The following SV2B variants were observed in gnomAD, a reference collection of about 807,000 sequenced individuals.
SV2B encodes solute carrier family 22 member B2.
SV2B carries 41 observed loss-of-function variants against 73.9 expected under a neutral mutation model. The observed-to-expected ratio is 0.56, with a 90% CI of 0.43 to 0.72. The LOEUF is 0.72. Ranked by LOEUF, SV2B falls within the 30% of genes least tolerant of loss-of-function variation. The pLI, the probability that SV2B is intolerant of heterozygous loss-of-function variation, is 0.00. For synonymous variants in SV2B, 314 were observed against 314.2 expected (o/e 1.00, Z 0.01); for missense variants, 764 against 857.8 (o/e 0.89, Z 1.37).
chr15:91,265,724 A>G lies in SV2B; in HGVS notation c.1009-858A>G, dbSNP rs1020868698. On this transcript the variant is annotated intron_variant, in intron 6 of 12. Transcript: ENST00000394232. This position sits in a 1 kb window ranked among gnomAD's most constrained non-coding sequence, Gnocchi z 4.2. The stretch of plus-strand genomic sequence containing the variant: ...TGACCTCAGGCGGAAGATCATTTGC[A>G]AAGGCTGCATAGCTGGGAGTGGCCA... 6.6e-6 allele frequency among the ~76,000 whole-genome samples: 1 copy of G among 152,202 alleles called. No individual in the cohort carries two copies. The highest frequency in any genetic ancestry group is 1.5e-5 in the Non-Finnish European group (1 of 68,030).
Position 91,268,676 on chromosome 15 carries a change from G to T in SV2B, c.1373+71G>T, listed in dbSNP as rs1344436820. On this transcript the variant is annotated intron_variant, in intron 9 of 12. Coordinates refer to ENST00000394232, the MANE Select transcript of SV2B (RefSeq NM_001323032.3). This position sits in a 1 kb window ranked among gnomAD's most constrained non-coding sequence, Gnocchi z 4.4. ...TGGGGACTGTTATTGGGAGGGAGCCGGAGGGAAGATAAGAATCAAATATGG... is the reference window on the plus strand; with the variant it reads ...TGGGGACTGTTATTGGGAGGGAGCCTGAGGGAAGATAAGAATCAAATATGG... 1 of 1,541,456 alleles carries T rather than the reference G, an allele frequency of 6.5e-7. No homozygotes were observed. Among genetic ancestry groups the T allele is most frequent in the East Asian group, 2.3e-5 (1 of 43,632 alleles).
rs147826935 is a variant in SV2B, at chr15:91,212,542, C to T, written c.-391-13331C>T. ...AGTCTTAGCATTTACTTAGGGCACA[C>T]GTGTTCCTGCGTCATCATACAGGGA... On this transcript the variant is annotated intron_variant, in intron 1 of 12. Coordinates refer to ENST00000394232, the MANE Select transcript of SV2B (RefSeq NM_001323032.3). Among the ~76,000 whole-genome samples, 797 of 152,266 alleles carry T rather than the reference C, an allele frequency of 5.2e-3. 8 individuals carry two copies. The highest frequency in any genetic ancestry group is 0.018 in the African/African-American group (760 of 41,558).
intron 1 of SV2B, among the ~76,000 whole-genome samples, chr15:91,107,453 C>T (rs754105718): frequency 2.0e-5 from 3 of 152,050 alleles, no homozygotes; most frequent in African/African-American, 4.8e-5. Context: ...GCTGGGACTA[C>T]AGGCACGTGC....
intron 9 of SV2B, among the ~76,000 whole-genome samples, chr15:91,274,790 A>C (rs57997226): frequency 0.43 from 65,633 of 151,998 alleles, 16,549 homozygotes; most frequent in African/African-American, 0.71. Context: ...TCTTAGAAAT[A>C]AAAATGTGTT....
intron 1 of SV2B, among the ~76,000 whole-genome samples, chr15:91,192,489 T>C (rs1285172896): frequency 6.6e-6 from 1 of 152,228 alleles, no homozygotes; most frequent in Non-Finnish European, 1.5e-5. Context: ...AGGTTCCTCA[T>C]GTGTAAAATG....
At chr15:91,212,624 G>A (rs17594915) in intron 1 of SV2B, among the ~76,000 whole-genome samples, 2,281 of 152,124 alleles carry the variant, frequency 0.015, 23 homozygotes, top group Non-Finnish European at 0.024. Flanking sequence ...TAATGGCAAG[G>A]TAAAGTGGAA....
intron 6 of SV2B, among the ~76,000 whole-genome samples, chr15:91,262,264 CAAA>C (rs1464342640): frequency 6.6e-5 from 10 of 152,212 alleles, no homozygotes; most frequent in East Asian, 1.9e-4. Flanking sequence ...AAAACAAAAA[CAAA>C]AACAAAAACA....
At chr15:91,165,803 A>G (rs2043893467) in intron 1 of SV2B, among the ~76,000 whole-genome samples, 1 of 152,230 alleles carries the variant, frequency 6.6e-6, no homozygotes, top group Admixed American at 6.5e-5. Context: ...AAAATAGTCA[A>G]TTATGTTTAT....
intron 1 of SV2B, among the ~76,000 whole-genome samples, chr15:91,202,737 G>A (rs1212074012): frequency 1.3e-5 from 2 of 152,106 alleles, no homozygotes; most frequent in Non-Finnish European, 2.9e-5. Context: ...GAGAAGTGGG[G>A]CTACAGTCTC....
intron 1 of SV2B, among the ~76,000 whole-genome samples, chr15:91,142,135 C>G (rs1194030722): frequency 1.3e-5 from 2 of 152,156 alleles, no homozygotes; most frequent in Non-Finnish European, 2.9e-5. Flanking sequence ...CTTCAAAAGT[C>G]CCCCTTGACT....
chr15:91,232,578 G>A lies in SV2B; in HGVS notation c.451+5864G>A, dbSNP rs984170380. ...GTACTGAGAGTGCTTCTAGAGGAGCGGAATTTTGAGGATGAGTTGTCTGAA... is the reference window on the plus strand; with the variant it reads ...GTACTGAGAGTGCTTCTAGAGGAGCAGAATTTTGAGGATGAGTTGTCTGAA... On this transcript the variant is annotated intron_variant, in intron 2 of 12. Coordinates refer to ENST00000394232, the MANE Select transcript of SV2B (RefSeq NM_001323032.3). The surrounding 1 kb of genome is among the most constrained non-coding windows in gnomAD (Gnocchi z 4.7). Among the ~76,000 whole-genome samples, 15 of 152,188 alleles carry A rather than the reference G, an allele frequency of 9.9e-5. No homozygotes were observed. Among genetic ancestry groups the A allele is most frequent in the East Asian group, 3.9e-4 (2 of 5,180 alleles).
intron 1 of SV2B, among the ~76,000 whole-genome samples, chr15:91,171,006 G>T (rs1010239635): frequency 7.9e-5 from 12 of 152,204 alleles, no homozygotes; most frequent in African/African-American, 1.7e-4. Flanking sequence ...CTTCGCAGCA[G>T]CTCTGTCCAT....
intron 6 of SV2B, among the ~76,000 whole-genome samples, chr15:91,263,402 AG>A (rs2047990494): frequency 6.6e-6 from 1 of 152,100 alleles, no homozygotes; most frequent in Non-Finnish European, 1.5e-5. Context: ...ACACAGACAC[AG>A]GAACACAAAC....
At chr15:91,272,792 C>T (rs534569173) in intron 9 of SV2B, among the ~76,000 whole-genome samples, 9 of 149,738 alleles carry the variant, frequency 6.0e-5, no homozygotes, top group Non-Finnish European at 1.3e-4. Context: ...CACGCCAAGG[C>T]TCCTTTGGGG....
In SV2B at chr15:91,290,942, G is replaced by A. The variant is rs2049020292; in HGVS notation, c.1868+1262G>A. Among the ~76,000 whole-genome samples the A allele has an allele frequency of 6.6e-6, 1 of 151,788 alleles. No homozygotes were observed. The highest frequency in any genetic ancestry group is 6.6e-5 in the Admixed American group (1 of 15,238). On this transcript the variant is annotated intron_variant, in intron 12 of 12. Transcript: ENST00000394232. This position sits in a 1 kb window ranked among gnomAD's most constrained non-coding sequence, Gnocchi z 4.7. ...GGGGGAGAGCTGCGAGAGCCCCGGG[G>A]TTTCAGGGTTACAGTGAGCTAGGAT...
In SV2B at chr15:91,258,354, A is replaced by G; in HGVS notation, c.785-67A>G. ...CCTGAAGTTTGTGAGCCAGGGCTTC[A>G]GAGTCACTCTTCCGTAGAGGAAAAG... On this transcript the variant is annotated intron_variant, in intron 4 of 12. Coordinates refer to ENST00000394232, the MANE Select transcript of SV2B (RefSeq NM_001323032.3). The surrounding 1 kb of genome is among the most constrained non-coding windows in gnomAD (Gnocchi z 4.7). 2 of 1,588,138 alleles carry G rather than the reference A, an allele frequency of 1.3e-6. No homozygotes were observed. Among genetic ancestry groups the G allele is most frequent in the Middle Eastern group, 1.7e-4 (1 of 5,832 alleles).
chr15:91,125,781 C>CAAAAAAAAAAGAAAAAAA (rs2042461192), intron 1 of SV2B, among the ~76,000 whole-genome samples: 1 of 57,118 alleles, frequency 1.8e-5, no homozygotes, highest in African/African-American at 6.4e-5. Context: ...TCTCAAGGGG[C>CAAAAAAAAAAGAAAAAAA]AAAAAAAAAA....
chr15:91,292,392 A>T lies in SV2B; in HGVS notation c.1892A>T (p.Asn631Ile). 5.6e-6 allele frequency: 9 copies of T among 1,614,100 alleles called. No homozygotes were observed. The highest frequency in any genetic ancestry group is 7.6e-6 in the Non-Finnish European group (9 of 1,180,004). ...NQRATAFGIL[N>I]GLCKFGAILG... ...AGAGCAACAGCCTTCGGCATTCTCA[A>T]TGGATTATGCAAATTTGGCGCCATC... Residue 631 changes from asparagine (N) to isoleucine (I), a missense_variant, in exon 13 of 13, where the codon AAT becomes ATT. Asn to Ile is a moderately radical substitution (Grantham distance 149, BLOSUM62 -3). Coordinates refer to ENST00000394232, the MANE Select transcript of SV2B (RefSeq NM_001323032.3).
chr15:91,204,245 A>T (rs1177462970), intron 1 of SV2B, among the ~76,000 whole-genome samples: 2 of 152,014 alleles, frequency 1.3e-5, no homozygotes, highest in African/African-American at 2.4e-5. Flanking sequence ...TGGTCTGGAG[A>T]GCTTGGGGTC....
Sources: allele counts gnomAD v4.1 joint callset (sites outside exome capture counted in the v4.1 genomes callset), GRCh38; gene constraint gnomAD v4.1.1; non-coding constraint Gnocchi (gnomAD v3.1); transcripts MANE v1.5; gene names NCBI Gene and HGNC (gene_info 2026-07-23, HGNC 2026-07-21).